Variants in MBNL2 observed in about 807,000 individuals in gnomAD.
MBNL2 encodes muscleblind-like protein 2.
Under a neutral mutation model 41.9 loss-of-function variants are expected in MBNL2, and 17 were observed. The ratio of observed to expected loss-of-function variants is 0.41; its 90% CI spans 0.28 to 0.61. MBNL2 has a LOEUF of 0.61. Ranked by LOEUF, MBNL2 falls within the 20% of genes least tolerant of loss-of-function variation. The probability of loss-of-function intolerance (pLI) is 0.35; values close to 1 mark genes in which losing one functional copy is unlikely to be tolerated. For synonymous variants in MBNL2, 195 were observed against 182.9 expected, an observed-to-expected ratio of 1.07 and a Z score of -0.53; for missense variants, 336 against 505.6, an observed-to-expected ratio of 0.66 and a Z score of 3.22.
chr13:97,222,792 T>A (rs936528936), intron 1 of MBNL2, among the ~76,000 whole-genome samples: 4 of 152,212 alleles, frequency 2.6e-5, no homozygotes, highest in Admixed American at 6.5e-5. Context: ...TATTATTTTT[T>A]AAAAACCATT....
chr13:97,361,862 C>T (rs554244316), intron 7 of MBNL2, among the ~76,000 whole-genome samples: 42 of 146,392 alleles, frequency 2.9e-4, no homozygotes, highest in Non-Finnish European at 4.9e-4. Context: ...CTCCGCCTCC[C>T]GGGTTCAAGA....
intron 5 of MBNL2, among the ~76,000 whole-genome samples, chr13:97,353,390 A>C (rs1166339585): frequency 6.6e-6 from 1 of 152,230 alleles, no homozygotes; most frequent in African/African-American, 2.4e-5. Context: ...CAGTACACAG[A>C]AGAAAAACTA....
At chr13:97,244,302 G>A (rs1265284793) in intron 1 of MBNL2, among the ~76,000 whole-genome samples, 1 of 152,138 alleles carries the variant, frequency 6.6e-6, no homozygotes, top group East Asian at 1.9e-4. Context: ...GATGACTTTT[G>A]TAGCTGTCCT....
chr13:97,271,558 T>C (rs2051030909), intron 1 of MBNL2, among the ~76,000 whole-genome samples: 1 of 152,214 alleles, frequency 6.6e-6, no homozygotes, highest in Non-Finnish European at 1.5e-5. Flanking sequence ...CCTATTGACC[T>C]GTCCTCTAAG....
chr13:97,270,422 T>G (rs984315594), intron 1 of MBNL2, among the ~76,000 whole-genome samples: 1 of 152,194 alleles, frequency 6.6e-6, no homozygotes, highest in African/African-American at 2.4e-5. Context: ...ACATCTGAAT[T>G]TGGATGCTAA....
intron 7 of MBNL2, among the ~76,000 whole-genome samples, chr13:97,358,465 A>G: frequency 6.6e-6 from 1 of 152,196 alleles, no homozygotes; most frequent in East Asian, 1.9e-4. Flanking sequence ...CTGAAAAAAG[A>G]AAAAAGCAGA....
the MBNL2 span, among the ~76,000 whole-genome samples, chr13:97,204,175 G>C: frequency 1.4e-3 from 207 of 152,268 alleles, no homozygotes; most frequent in African/African-American, 4.6e-3. Context: ...CTTTCTGGGA[G>C]AAAGCAACCA....
chr13:97,159,667 G>T, the MBNL2 span, among the ~76,000 whole-genome samples: 27 of 149,550 alleles, frequency 1.8e-4, no homozygotes, highest in Non-Finnish European at 2.9e-4. Context: ...GCTTAGTTTG[G>T]CTGGATATGA....
chr13:97,151,779 T>C, the MBNL2 span, among the ~76,000 whole-genome samples: 8 of 152,176 alleles, frequency 5.3e-5, no homozygotes, highest in Admixed American at 2.0e-4. Flanking sequence ...GCCAGGATAA[T>C]ACCTTTTAGG....
At chr13:97,216,448 G>C (rs1362304450), upstream of MBNL2, among the ~76,000 whole-genome samples, 1 of 152,170 alleles carries the variant, frequency 6.6e-6, no homozygotes, top group Non-Finnish European at 1.5e-5. Flanking sequence ...AAAGAGGCGG[G>C]ATAGGCTTGA....
chr13:97,157,878 C>T, the MBNL2 span, among the ~76,000 whole-genome samples: 9 of 150,936 alleles, frequency 6.0e-5, no homozygotes, highest in African/African-American at 9.8e-5. Context: ...TGTCTCTGCC[C>T]GGATTTGGTA....
At chr13:97,339,030 GTAGT>G (rs973300453) in intron 3 of MBNL2, among the ~76,000 whole-genome samples, 15 of 108,912 alleles carry the variant, frequency 1.4e-4, no homozygotes, top group Admixed American at 3.6e-4. Flanking sequence ...GTATGAATGT[GTAGT>G]TAGTGTATAT....
At chr13:97,289,396 G>T (rs1300399940) in intron 2 of MBNL2, among the ~76,000 whole-genome samples, 1 of 152,146 alleles carries the variant, frequency 6.6e-6, no homozygotes, top group African/African-American at 2.4e-5. Flanking sequence ...AGATGCTTGG[G>T]ATCTAAAATT....
chr13:97,278,994 G>A (rs985622428), intron 2 of MBNL2, among the ~76,000 whole-genome samples: 1 of 152,186 alleles, frequency 6.6e-6, no homozygotes, highest in Admixed American at 6.5e-5. Flanking sequence ...GAAATTGGCT[G>A]AAGTAAGCAC....
intron 1 of MBNL2, among the ~76,000 whole-genome samples, chr13:97,245,742 G>A (rs1231554995): frequency 3.3e-5 from 5 of 152,160 alleles, no homozygotes; most frequent in East Asian, 1.9e-4. Flanking sequence ...TGAGTCCATC[G>A]AAATGGTATT....
At chr13:97,142,968 A>G in the MBNL2 span, among the ~76,000 whole-genome samples, 1 of 152,206 alleles carries the variant, frequency 6.6e-6, no homozygotes, top group South Asian at 2.1e-4. Flanking sequence ...CCCAAGAAGC[A>G]CCGGATCAGA....
chr13:97,309,031 G>A (rs2058357289), intron 2 of MBNL2, among the ~76,000 whole-genome samples: 2 of 152,174 alleles, frequency 1.3e-5, no homozygotes, highest in African/African-American at 4.8e-5. Flanking sequence ...AAGAGCCCAT[G>A]AGCATAGGCG....
the MBNL2 span, among the ~76,000 whole-genome samples, chr13:97,176,942 C>G: frequency 6.6e-6 from 1 of 152,094 alleles, no homozygotes; most frequent in Non-Finnish European, 1.5e-5. Context: ...AGAAAATTCT[C>G]TCTCTTGAAG....
At chr13:97,172,903 C>T in the MBNL2 span, 1 of 151,710 alleles carries the variant, frequency 6.6e-6, no homozygotes, top group East Asian at 1.9e-4. Context: ...AGAGTGGAGG[C>T]TCGAAAAAAA....
Sources: gnomAD v4.1 joint callset for allele counts (sites outside exome capture counted in the v4.1 genomes callset) on GRCh38, gnomAD v4.1.1 for gene constraint, MANE v1.5 for transcripts, NCBI Gene and HGNC (gene_info 2026-07-23, HGNC 2026-07-21) for gene names.